APLF: variants seen among roughly 807,000 people sequenced by gnomAD.
The protein encoded by APLF is aprataxin and PNK-like factor.
A neutral mutation model predicts 55.6 loss-of-function variants in APLF; 61 were observed. That is an observed-to-expected ratio of 1.10 (90% confidence interval 0.89 to 1.36). APLF has a LOEUF of 1.36. Ranked by LOEUF, APLF falls within the 40% of genes most tolerant of loss-of-function variation. The probability of loss-of-function intolerance (pLI) is 0.00; values close to 1 mark genes in which losing one functional copy is unlikely to be tolerated. For synonymous variants in APLF, 207 were observed against 214.8 expected (o/e 0.96, Z 0.32); for missense variants, 611 against 602.5 (o/e 1.01, Z -0.15).
intron 9 of APLF, among the ~76,000 whole-genome samples, chr2:68,574,658 GTGA>G (rs1671572712): frequency 6.6e-6 from 1 of 152,214 alleles, no homozygotes; most frequent in Non-Finnish European, 1.5e-5. Context: ...TAAAATGTAA[GTGA>G]TGACAGATAT....
chr2:68,484,754 T>C (rs1418784386), intron 1 of APLF, among the ~76,000 whole-genome samples: 1 of 151,668 alleles, frequency 6.6e-6, no homozygotes, highest in Non-Finnish European at 1.5e-5. Context: ...CCCAGCACCT[T>C]GGGAGGCCCA....
At chr2:68,532,173 C>T (rs7566242) in intron 6 of APLF, among the ~76,000 whole-genome samples, 1 of 152,134 alleles carries the variant, frequency 6.6e-6, no homozygotes. Context: ...AAAGGGATAG[C>T]TGTAGTGCAG....
intron 1 of APLF, among the ~76,000 whole-genome samples, chr2:68,489,118 G>A (rs1676277601): frequency 6.6e-6 from 1 of 152,312 alleles, no homozygotes; most frequent in South Asian, 2.1e-4. Flanking sequence ...ATTCATTCAT[G>A]TGATACTCAT....
chr2:68,479,380 C>T (rs1352657331), intron 1 of APLF, among the ~76,000 whole-genome samples: 2 of 152,150 alleles, frequency 1.3e-5, no homozygotes, highest in Non-Finnish European at 2.9e-5. Flanking sequence ...ATGACAAAGC[C>T]AATCAAATAA....
intron 9 of APLF, among the ~76,000 whole-genome samples, chr2:68,569,615 A>C (rs1215975215): frequency 6.6e-6 from 1 of 151,758 alleles, no homozygotes. Flanking sequence ...ATGATGAGCC[A>C]ATATTTTACC....
intron 9 of APLF, among the ~76,000 whole-genome samples, chr2:68,572,099 T>G (rs1219180942): frequency 7.1e-6 from 1 of 139,898 alleles, no homozygotes. Context: ...AGAAAACTAT[T>G]AAGGAGGCTT....
intron 2 of APLF, among the ~76,000 whole-genome samples, chr2:68,492,626 G>T (rs1234875163): frequency 6.6e-6 from 1 of 152,146 alleles, no homozygotes; most frequent in Non-Finnish European, 1.5e-5. Context: ...GCAGTGTTCA[G>T]TTATAAAAAG....
At chr2:68,503,581 C>T (rs11893624) in intron 3 of APLF, among the ~76,000 whole-genome samples, 21,692 of 152,054 alleles carry the variant, frequency 0.14, 3,314 homozygotes, top group African/African-American at 0.39. Flanking sequence ...TATACAAATA[C>T]TTTGAAATTA....
At chr2:68,517,647 A>T (rs535228629) in intron 5 of APLF, among the ~76,000 whole-genome samples, 1 of 144,846 alleles carries the variant, frequency 6.9e-6, no homozygotes, top group South Asian at 2.2e-4. Flanking sequence ...TATCACTAAT[A>T]TATGTTATTA....
chr2:68,521,449 TA>T (rs890209807), intron 5 of APLF, among the ~76,000 whole-genome samples: 1 of 151,932 alleles, frequency 6.6e-6, no homozygotes, highest in African/African-American at 2.4e-5. Flanking sequence ...TTTTATTTTT[TA>T]TGTCTCAGGT....
chr2:68,547,044 T>C (rs1670727132), intron 8 of APLF, among the ~76,000 whole-genome samples: 1 of 151,844 alleles, frequency 6.6e-6, no homozygotes, highest in Non-Finnish European at 1.5e-5. Flanking sequence ...TTAGGATGCT[T>C]ACTGGATACA....
At chr2:68,517,832 T>C (rs1353373453) in intron 5 of APLF, among the ~76,000 whole-genome samples, 1 of 145,108 alleles carries the variant, frequency 6.9e-6, no homozygotes. Flanking sequence ...TGTGTTAATA[T>C]ATAGCAGTAA....
At chr2:68,551,605 T>C (rs1247322490) in intron 8 of APLF, among the ~76,000 whole-genome samples, 1 of 141,494 alleles carries the variant, frequency 7.1e-6, no homozygotes, top group Non-Finnish European at 1.5e-5. Flanking sequence ...TTCTTCTTCT[T>C]TTTTTTTTTT....
intron 2 of APLF, among the ~76,000 whole-genome samples, chr2:68,496,353 C>T (rs1438829333): frequency 6.6e-6 from 1 of 152,170 alleles, no homozygotes; most frequent in African/African-American, 2.4e-5. Context: ...GATTCACCAG[C>T]CTCAGCCTCC....
chr2:68,542,879 A>G (rs1670594965), intron 7 of APLF, among the ~76,000 whole-genome samples: 1 of 152,198 alleles, frequency 6.6e-6, no homozygotes, highest in Admixed American at 6.5e-5. Flanking sequence ...AATACCCAGG[A>G]GGTAGAAGGA....
intron 5 of APLF, among the ~76,000 whole-genome samples, chr2:68,522,577 T>C (rs376734343): frequency 8.6e-5 from 13 of 151,898 alleles, no homozygotes; most frequent in African/African-American, 3.1e-4. Context: ...AATTGAAAAA[T>C]TATGTTTCTT....
At chr2:68,474,606 C>T (rs1675716740) in intron 1 of APLF, among the ~76,000 whole-genome samples, 1 of 152,220 alleles carries the variant, frequency 6.6e-6, no homozygotes, top group Admixed American at 6.5e-5. Context: ...TATCTTCTCA[C>T]ATGTCTTCAT....
rs1343804389 is a variant in APLF at position 68,518,348 on chromosome 2, AT to A, written c.622+4670del. 2.6e-5 allele frequency among the ~76,000 whole-genome samples: 3 copies of A among 113,610 alleles called. No homozygotes were observed. The East Asian group carries it at 7.6e-4, about 29-fold the overall frequency. The allele number at this position is 113,610 out of a possible 152,430, so 74.5% of individuals were successfully genotyped here. Reference sequence around the variant, plus strand: ...ATAATATATTAATAAATAATTATATATTAATATAGCAATATATTAATATATG... The same window carrying A: ...ATAATATATTAATAAATAATTATATATAATATAGCAATATATTAATATATG... On this transcript the variant is annotated intron_variant, in intron 5 of 9. Transcript: ENST00000303795.
chr2:68,577,094 A>G (rs1335182210), intron 9 of APLF, among the ~76,000 whole-genome samples: 1 of 152,192 alleles, frequency 6.6e-6, no homozygotes, highest in Non-Finnish European at 1.5e-5. Flanking sequence ...TCCTAGTCTT[A>G]CTGAAACATG....
Sources: gnomAD v4.1 joint callset for allele counts (sites outside exome capture counted in the v4.1 genomes callset) on GRCh38, gnomAD v4.1.1 for gene constraint, MANE v1.5 for transcripts, NCBI Gene and HGNC (gene_info 2026-07-23, HGNC 2026-07-21) for gene names.